OLA1: variants seen among roughly 807,000 people sequenced by gnomAD.
OLA1 encodes Obg like ATPase 1.
OLA1 carries 14 observed loss-of-function variants against 48.4 expected under a neutral mutation model. That is an observed-to-expected ratio of 0.29 (90% confidence interval 0.19 to 0.45). The LOEUF (loss-of-function observed/expected upper bound fraction) is 0.45. Among genes scored for constraint, OLA1 ranks in the 20% least tolerant of loss-of-function variants. The probability of loss-of-function intolerance (pLI) is 1.00; values close to 1 mark genes in which losing one functional copy is unlikely to be tolerated. For synonymous variants in OLA1, 127 were observed against 150.4 expected (o/e 0.84, Z 1.14); for missense variants, 325 against 467.1 (o/e 0.70, Z 2.80).
At chr2:174,218,042 C>T (rs1469232971) in intron 4 of OLA1, 1 of 152,024 alleles carries the variant, frequency 6.6e-6, no homozygotes, top group Non-Finnish European at 1.5e-5. Context: ...CTGTGTTGCC[C>T]AGGCTACAGT....
At chr2:174,199,212 C>T (rs1574545762) in intron 4 of OLA1, among the ~76,000 whole-genome samples, 1 of 152,164 alleles carries the variant, frequency 6.6e-6, no homozygotes, top group South Asian at 2.1e-4. Flanking sequence ...AAATAACTGA[C>T]ATTCAAACTA....
At chr2:174,116,705 C>T (rs1359037688) in intron 7 of OLA1, among the ~76,000 whole-genome samples, 1 of 152,038 alleles carries the variant, frequency 6.6e-6, no homozygotes, top group Non-Finnish European at 1.5e-5. Context: ...GCATGGGTAT[C>T]TTTTCTTTAT....
At chr2:174,183,183 C>G (rs1002485575) in intron 4 of OLA1, among the ~76,000 whole-genome samples, 8 of 151,996 alleles carry the variant, frequency 5.3e-5, no homozygotes, top group African/African-American at 1.5e-4. Flanking sequence ...AAAAACACAA[C>G]AAGTGCAGTT....
In OLA1 at chr2:174,241,927, C is replaced by T. The variant is rs116082405; in HGVS notation, c.101+4788G>A. Among the ~76,000 whole-genome samples the T allele has an allele frequency of 3.4e-3, 518 of 152,338 alleles. 1 individual carries two copies. The highest frequency in any genetic ancestry group is 5.2e-3 in the Non-Finnish European group (357 of 68,016). ...CTGGGATTACAGGCGTGAGCCTCTG[C>T]ACCCAGCCAAGAGTAACAGAATTTT... On this transcript the variant is annotated intron_variant, in intron 2 of 10. Transcript: ENST00000284719.
chr2:174,079,018 C>T lies in OLA1; in HGVS notation c.1039G>A (p.Val347Ile). ...TCTTTAAAATCTTCGTATTTCATTA[C>T]TTCAGCCATAATGAATCCCTTTTCA... ...DFEKGFIMAE[V>I]MKYEDFKEEG... Residue 347 changes from valine (V) to isoleucine (I), a missense_variant, in exon 10 of 11, where the codon GTA becomes ATA. Transcript: ENST00000284719. 1 of 1,603,030 alleles carries T rather than the reference C, an allele frequency of 6.2e-7. No individual in the cohort carries two copies. The highest frequency in any genetic ancestry group is 1.3e-5 in the African/African-American group (1 of 74,268).
At chr2:174,248,252 TC>T in intron 1 of OLA1, 199 bp downstream of exon 1, 1 of 155,930 alleles carries the variant, frequency 6.4e-6, no homozygotes, top group Admixed American at 6.3e-5. Flanking sequence ...CCCAGGGCTT[TC>T]CCGCGTGAGG....
intron 2 of OLA1, among the ~76,000 whole-genome samples, chr2:174,236,280 A>C (rs916401390): frequency 6.6e-6 from 1 of 152,150 alleles, no homozygotes; most frequent in African/African-American, 2.4e-5. Context: ...AATCTTTTAA[A>C]ATTTTTCTTA....
chr2:174,173,149 G>A (rs562766985), intron 4 of OLA1, among the ~76,000 whole-genome samples: 100 of 152,144 alleles, frequency 6.6e-4, no homozygotes, highest in African/African-American at 1.8e-3. Flanking sequence ...TGCAAAAATG[G>A]ACTAACACAA....
At chr2:174,129,850 G>A (rs965122857) in intron 5 of OLA1, among the ~76,000 whole-genome samples, 6 of 151,986 alleles carry the variant, frequency 3.9e-5, no homozygotes, top group African/African-American at 1.5e-4. Context: ...GGTTTATCAG[G>A]GTGACTCACT....
At chr2:174,142,123 G>C in intron 4 of OLA1, 123 bp from the exon 5 acceptor site, 1 of 865,962 alleles carries the variant, frequency 1.2e-6, no homozygotes, top group Non-Finnish European at 1.7e-6. Flanking sequence ...CTGGCTTCTT[G>C]GCAAGTAGGA....
At chr2:174,215,246 T>C (rs370296396) in intron 4 of OLA1, among the ~76,000 whole-genome samples, 14 of 152,304 alleles carry the variant, frequency 9.2e-5, no homozygotes, top group African/African-American at 3.4e-4. Context: ...TATGAATCTA[T>C]AAGCATGTTA....
intron 10 of OLA1, among the ~76,000 whole-genome samples, chr2:174,077,321 T>TAC (rs1684764593): frequency 6.6e-6 from 1 of 150,644 alleles, no homozygotes; most frequent in Non-Finnish European, 1.5e-5. Flanking sequence ...TAGAAATACA[T>TAC]ATACATACAT....
At chr2:174,147,936 GC>G (rs1451170264) in intron 4 of OLA1, among the ~76,000 whole-genome samples, 1 of 152,156 alleles carries the variant, frequency 6.6e-6, no homozygotes, top group Non-Finnish European at 1.5e-5. Flanking sequence ...CAATTCTAGT[GC>G]CTCAGCCTCC....
intron 4 of OLA1, among the ~76,000 whole-genome samples, chr2:174,161,192 T>C (rs992822638): frequency 6.6e-6 from 1 of 152,188 alleles, no homozygotes; most frequent in Non-Finnish European, 1.5e-5. Context: ...CAATGCCATA[T>C]AATATTTTGC....
intron 4 of OLA1, among the ~76,000 whole-genome samples, chr2:174,190,759 C>A (rs1687755588): frequency 6.6e-6 from 1 of 151,454 alleles, no homozygotes; most frequent in Admixed American, 6.6e-5. Context: ...CAAAAATATA[C>A]CTTAGCTCTA....
In OLA1 at chr2:174,244,404, A is replaced by AT. The variant is rs562998870; in HGVS notation, c.101+2310dup. On this transcript the variant is annotated intron_variant, in intron 2 of 10. Coordinates refer to ENST00000284719, the MANE Select transcript of OLA1 (RefSeq NM_013341.5). ...ACACACTTATTCTGAATAATAAAAT[A>AT]TTTTTAGGTTACTTCCACGTACATT... Among the ~76,000 whole-genome samples the AT allele has an allele frequency of 6.6e-5, 10 of 152,304 alleles. No individual in the cohort carries two copies. In the East Asian group the frequency reaches 1.9e-3, roughly 29 times the overall value.
chr2:174,075,262 G>GC lies in OLA1; in HGVS notation c.*163_*164insG. ...GTGAACCTGCATTTCATGGGGGGGGGGGGGTACACAGTATTTTAATTTTAA... is the reference window on the plus strand; with the variant it reads ...GTGAACCTGCATTTCATGGGGGGGGGCGGGGTACACAGTATTTTAATTTTAA... On this transcript the variant is annotated 3_prime_UTR_variant, in exon 11 of 11. Transcript: ENST00000284719. The GC allele has an allele frequency of 3.9e-6, 2 of 518,716 alleles. No homozygotes were observed. Among genetic ancestry groups the GC allele is most frequent in the Non-Finnish European group, 6.9e-6 (2 of 290,662 alleles). The allele number at this position is 518,716 out of a possible 1,614,324, so 32.1% of individuals were successfully genotyped here.
rs768078900 is a variant in OLA1, at chr2:174,100,909, C to T, written c.729-18845G>A. Among the ~76,000 whole-genome samples, 24 of 152,164 alleles carry T rather than the reference C, an allele frequency of 1.6e-4. 1 individual carries two copies. Among genetic ancestry groups the T allele is most frequent in the Admixed American group, 2.6e-4 (4 of 15,274 alleles). On this transcript the variant is annotated intron_variant, in intron 7 of 10. Transcript: ENST00000284719. ...TTTCCACAGCAAAAATAGACCACAA[C>T]TTATCCATTTTCCTATTGATGGACA...
rs1324346938 is a variant in OLA1, at chr2:174,201,680, G to C, written c.373+21353C>G. On this transcript the variant is annotated intron_variant, in intron 4 of 10. Coordinates refer to ENST00000284719, the MANE Select transcript of OLA1 (RefSeq NM_013341.5). ...GTACTGCGTACTTCATGCAAATCTT[G>C]AGAGAGTTAATAGATGTAATAATAA... is the stretch of plus-strand genomic sequence containing the variant. 2.0e-5 allele frequency among the ~76,000 whole-genome samples: 3 copies of C among 152,118 alleles called. No individual in the cohort carries two copies. The East Asian group carries it at 5.8e-4, about 29-fold the overall frequency.
Sources: gnomAD v4.1 joint callset for allele counts (sites outside exome capture counted in the v4.1 genomes callset) on GRCh38, gnomAD v4.1.1 for gene constraint, MANE v1.5 for transcripts, NCBI Gene and HGNC (gene_info 2026-07-23, HGNC 2026-07-21) for gene names.